Variants in POLR1G observed in about 807,000 individuals in gnomAD.
POLR1G encodes the protein DNA-directed RNA polymerase I subunit RPA34.
In POLR1G, 9 loss-of-function variants were observed where a neutral mutation model predicts 6.3. That is an observed-to-expected ratio of 1.44 (90% CI 0.87 to 2.51). The LOEUF (loss-of-function observed/expected upper bound fraction) is 2.51. Ranked by LOEUF, POLR1G falls within the 30% of genes most tolerant of loss-of-function variation. The probability of loss-of-function intolerance (pLI) is 0.00; values close to 1 mark genes in which losing one functional copy is unlikely to be tolerated. For missense variants in POLR1G, 617 were observed against 632.5 expected (o/e 0.98, Z 0.26); for synonymous variants, 248 against 256.5 (o/e 0.97, Z 0.32).
chr19:45,409,623 C>A lies in POLR1G; in HGVS notation c.*122C>A. The A allele has an allele frequency of 1.3e-6, 2 of 1,550,290 alleles. No homozygotes were observed. The highest frequency in any genetic ancestry group is 1.8e-6 in the Non-Finnish European group (2 of 1,127,956). On this transcript the variant is annotated 3_prime_UTR_variant, in exon 3 of 3. Coordinates refer to ENST00000309424, the MANE Select transcript of POLR1G (RefSeq NM_012099.3). ...CCAGCGCAGCCAGCAGGAGCCTGGCCTGGGAGGACGATTTATTATTACACT... is the reference window on the plus strand; with the variant it reads ...CCAGCGCAGCCAGCAGGAGCCTGGCATGGGAGGACGATTTATTATTACACT...
Position 45,406,896 on chromosome 19 carries a change from C to T in POLR1G, c.22+178C>T, listed in dbSNP as rs1416443758. On this transcript the variant is annotated intron_variant, in intron 1 of 2. Transcript: ENST00000309424. The surrounding 1 kb of genome is among the most constrained non-coding windows in gnomAD (Gnocchi z 4.2). The stretch of plus-strand genomic sequence containing the variant: ...GAGGGTTATCTTGTGGGGGGCTACC[C>T]GTGGAGAGCAAGGCGCCCCCAGGGG... 9.4e-6 allele frequency: 9 copies of T among 958,052 alleles called. No homozygotes were observed. The highest frequency in any genetic ancestry group is 3.2e-5 in the Admixed American group (1 of 31,312). The allele number at this position is 958,052 out of a possible 1,614,324, so 59.3% of individuals were successfully genotyped here. A position where few individuals can be genotyped will look rare whatever the true frequency, so the allele number is the denominator to read the frequency against.
rs778552962 is a variant in POLR1G at position 45,409,543 on chromosome 19, G to A, written c.*42G>A. On this transcript the variant is annotated 3_prime_UTR_variant, in exon 3 of 3. Transcript: ENST00000309424. The stretch of plus-strand genomic sequence containing the variant: ...TGAGGAACTAAAGAAAGCTGAAGGT[G>A]CCCACCTGGGCCACCAGAAGGTGAC... 1 of 1,574,336 alleles carries A rather than the reference G, an allele frequency of 6.4e-7. No individual in the cohort carries two copies. Among genetic ancestry groups the A allele is most frequent in the South Asian group, 1.2e-5 (1 of 86,904 alleles).
At position 45,407,112 on chromosome 19, in the gene POLR1G, G is replaced by GT. The variant is rs1599787797; in HGVS notation, c.42dup (p.Pro15SerfsTer105). ...GCTGCAGATGCTGCTCGGTTCTCTT[G>GT]TCCCCCCAACTTTACCGCGAAGCCC... On this transcript the variant is annotated frameshift_variant, in exon 2 of 3. Transcript: ENST00000309424. LOFTEE classifies it high-confidence loss of function. 2 of 1,599,014 alleles carry GT rather than the reference G, an allele frequency of 1.3e-6. No individual in the cohort carries two copies. Among genetic ancestry groups the GT allele is most frequent in the Non-Finnish European group, 1.7e-6 (2 of 1,176,182 alleles).
rs527715200 is a variant in POLR1G, at chr19:45,409,550, T to C, written c.*49T>C. 4 of 1,574,402 alleles carry C rather than the reference T, an allele frequency of 2.5e-6. No homozygotes were observed. In the African/African-American group the frequency reaches 5.4e-5, roughly 21 times the overall value. On this transcript the variant is annotated 3_prime_UTR_variant, in exon 3 of 3. Transcript: ENST00000309424. ...CTAAAGAAAGCTGAAGGTGCCCACCTGGGCCACCAGAAGGTGACACCCCCA... is the reference window on the plus strand; with the variant it reads ...CTAAAGAAAGCTGAAGGTGCCCACCCGGGCCACCAGAAGGTGACACCCCCA...
intron 2 of POLR1G, 72 bp from the exon 3 acceptor site, chr19:45,408,061 C>T (rs5828233): frequency 7.3e-7 from 1 of 1,369,896 alleles, no homozygotes; most frequent in Non-Finnish European, 9.7e-7. Flanking sequence ...CAAAAAAAAA[C>T]AAAAAAAAAA....
chr19:45,409,769 A>G lies in POLR1G; in HGVS notation c.*268A>G, dbSNP rs1240151492. The G allele has an allele frequency of 2.6e-6, 2 of 756,874 alleles. No homozygotes were observed. The highest frequency in any genetic ancestry group is 4.9e-6 in the Non-Finnish European group (2 of 407,554). 46.9% of individuals were successfully genotyped at this position (756,874 alleles called of 1,614,324 possible). A position where few individuals can be genotyped will look rare whatever the true frequency, so the allele number is the denominator to read the frequency against. On this transcript the variant is annotated 3_prime_UTR_variant, in exon 3 of 3. Transcript: ENST00000309424. ...AAAATGAGGAACCAGTCATTAAAGG[A>G]GCTGTTTCCTGGGTAAATCTAGAGT...
chr19:45,409,036 T>C lies in POLR1G; in HGVS notation c.1068T>C (p.Pro356=), dbSNP rs571732598. The C allele has an allele frequency of 6.2e-7, 1 of 1,613,866 alleles. No individual in the cohort carries two copies. The highest frequency in any genetic ancestry group is 8.5e-7 in the Non-Finnish European group (1 of 1,179,960). ...AGCCAGTGGAGCCGGAGATGAAGCC[T>C]CTGGAGTCCCCAGGGGGGACCATGG... ...AMEPVEPEMK[P]LESPGGTMAP... is the part of the protein sequence containing the mutation. Residue 356 remains proline, a synonymous_variant, in exon 3 of 3, where the codon CCT becomes CCC. Coordinates refer to ENST00000309424, the MANE Select transcript of POLR1G (RefSeq NM_012099.3).
rs896460788 is a variant in POLR1G, at chr19:45,410,596, T to TGTGTGTGTGTGTGTGTGTGG, written c.*1096_*1097insTGTGTGTGTGTGTGTGTGGG. The TGTGTGTGTGTGTGTGTGTGG allele has an allele frequency of 6.6e-5, 10 of 151,610 alleles. No homozygotes were observed. Among genetic ancestry groups the TGTGTGTGTGTGTGTGTGTGG allele is most frequent in the African/African-American group, 2.4e-4 (10 of 41,082 alleles). 9.4% of individuals were successfully genotyped at this position (151,610 alleles called of 1,614,324 possible). A position where few individuals can be genotyped will look rare whatever the true frequency, so the allele number is the denominator to read the frequency against. ...GTGTGTGTGTGTGTGTGTGTGTGTG[T>TGTGTGTGTGTGTGTGTGTGG]GGTACCCATTAACCTTCCCCATCTC... is the stretch of plus-strand genomic sequence containing the variant. On this transcript the variant is annotated 3_prime_UTR_variant, in exon 3 of 3. Transcript: ENST00000309424.
Position 45,409,498 on chromosome 19 carries a change from G to A in POLR1G, c.1530G>A (p.Val510=), listed in dbSNP as rs1973555108. The A allele has an allele frequency of 3.7e-6, 6 of 1,605,800 alleles. No individual in the cohort carries two copies. Among genetic ancestry groups the A allele is most frequent in the Non-Finnish European group, 5.1e-6 (6 of 1,176,880 alleles). Residue 510 remains valine (V), a synonymous_variant, in exon 3 of 3, where the codon GTG becomes GTA. Coordinates refer to ENST00000309424, the MANE Select transcript of POLR1G (RefSeq NM_012099.3). ...GGAAGCAGCAGCAGCAGCAGCCTGT[G>A]TAGTCTGCCCCCGGGAAACTGAGGA... The part of the protein sequence containing the change: ...KKRKQQQQQP[V]
chr19:45,408,665 G>A lies in POLR1G; in HGVS notation c.697G>A (p.Glu233Lys), dbSNP rs1568570068. ...EPEAAGPVGTEPTVETLEPLG... is the reference protein window; with the variant it reads ...EPEAAGPVGTKPTVETLEPLG... ...AGAGGCAGCAGGGCCTGTGGGGACA[G>A]AGCCCACAGTGGAGACACTGGAGCC... The change falls in exon 3 of 3, where the codon GAG (glutamate) becomes AAG (lysine). Residue 233 changes from glutamate (E) to lysine (K), a missense_variant. Transcript: ENST00000309424. 2.5e-6 allele frequency: 4 copies of A among 1,613,964 alleles called. No homozygotes were observed. Among genetic ancestry groups the A allele is most frequent in the East Asian group, 4.5e-5 (2 of 44,876 alleles).
Position 45,409,877 on chromosome 19 carries a change from GTTATTA to G in POLR1G, c.*391_*396del, listed in dbSNP as rs1243917856. 2,576 of 256,380 alleles carry G rather than the reference GTTATTA, an allele frequency of 0.01. 79 individuals carry two copies. The highest frequency in any genetic ancestry group is 0.056 in the African/African-American group (2,237 of 39,616). The allele number at this position is 256,380 out of a possible 1,614,324, so 15.9% of individuals were successfully genotyped here. On this transcript the variant is annotated 3_prime_UTR_variant, in exon 3 of 3. Coordinates refer to ENST00000309424, the MANE Select transcript of POLR1G (RefSeq NM_012099.3). The stretch of plus-strand genomic sequence containing the variant: ...AACAATCCAGTTACAATCTTTTTAA[GTTATTA>G]TTATTATTATTATTTTTTTTTTTTT...
In POLR1G at chr19:45,408,349, G is replaced by A. The variant is rs1301087694; in HGVS notation, c.381G>A (p.Gly127=). ...ILEGPQQSLS[G]SPLQPIPASP... is the part of the protein sequence containing the mutation. ...AGGGTCCCCAGCAATCCCTGTCAGG[G>A]AGCCCTCTGCAGCCCATCCCAGCAA... Residue 127 remains glycine, a synonymous_variant, in exon 3 of 3, where the codon GGG becomes GGA. Coordinates refer to ENST00000309424, the MANE Select transcript of POLR1G (RefSeq NM_012099.3). The A allele has an allele frequency of 6.2e-7, 1 of 1,607,924 alleles. No individual in the cohort carries two copies.
rs1973507201 is a variant in POLR1G, at chr19:45,408,837, GAA to G, written c.871_872del (p.Lys291GlufsTer17). ...ACAGTCCTGTCCCCGACCAAAAAGA[GAA>G]AGAGGCAAAAGGGGACGGAAGGGAT... On this transcript the variant is annotated frameshift_variant, in exon 3 of 3. Transcript: ENST00000309424. LOFTEE classifies it low-confidence loss of function (END_TRUNC). 6.2e-7 allele frequency: 1 copy of G among 1,614,108 alleles called. No homozygotes were observed. The highest frequency in any genetic ancestry group is 8.5e-7 in the Non-Finnish European group (1 of 1,180,004).
rs57573120 is a variant in POLR1G at position 45,409,895 on chromosome 19, ATTTT to A, written c.*405_*408del. 4.1e-5 allele frequency: 7 copies of A among 171,652 alleles called. No individual in the cohort carries two copies. Among genetic ancestry groups the A allele is most frequent in the Admixed American group, 2.9e-4 (4 of 13,930 alleles). The allele number at this position is 171,652 out of a possible 1,614,324, so 10.6% of individuals were successfully genotyped here. A position where few individuals can be genotyped will look rare whatever the true frequency, so the allele number is the denominator to read the frequency against. On this transcript the variant is annotated 3_prime_UTR_variant, in exon 3 of 3. Coordinates refer to ENST00000309424, the MANE Select transcript of POLR1G (RefSeq NM_012099.3). ...TTTTTAAGTTATTATTATTATTATT[ATTTT>A]TTTTTTTTTTGAGATGGAGTCTCGC...
Position 45,409,027 on chromosome 19 carries a change from G to A in POLR1G, c.1059G>A (p.Glu353=). 6.2e-7 allele frequency: 1 copy of A among 1,614,112 alleles called. No homozygotes were observed. Among genetic ancestry groups the A allele is most frequent in the Non-Finnish European group, 8.5e-7 (1 of 1,180,018 alleles). The change falls in exon 3 of 3, where the codon GAG becomes GAA. Residue 353 remains glutamate (E), a synonymous_variant. Transcript: ENST00000309424. ...AGGCGATGGAGCCAGTGGAGCCGGA[G>A]ATGAAGCCTCTGGAGTCCCCAGGGG... ...GTEAMEPVEP[E]MKPLESPGGT...
chr19:45,409,230 C>T lies in POLR1G; in HGVS notation c.1262C>T (p.Thr421Ile), dbSNP rs1324662945. Reference protein sequence around the residue: ...DLEPQAAPTSTKKKKKKKERG... With the variant: ...DLEPQAAPTSIKKKKKKKERG... ...GAGCCTCAGGCAGCTCCCACATCCACCAAGAAGAAGAAGAAGAAGAAAGAG... is the reference window on the plus strand; with the variant it reads ...GAGCCTCAGGCAGCTCCCACATCCATCAAGAAGAAGAAGAAGAAGAAAGAG... Residue 421 changes from threonine to isoleucine, a missense_variant, in exon 3 of 3, where the codon ACC (threonine) becomes ATC (isoleucine). Coordinates refer to ENST00000309424, the MANE Select transcript of POLR1G (RefSeq NM_012099.3). 3.7e-6 allele frequency: 6 copies of T among 1,608,068 alleles called. No individual in the cohort carries two copies. Among genetic ancestry groups the T allele is most frequent in the South Asian group, 1.1e-5 (1 of 90,668 alleles).
At position 45,406,947 on chromosome 19, in the gene POLR1G, C is replaced by T; in HGVS notation, c.23-147C>T. The T allele has an allele frequency of 8.4e-7, 1 of 1,189,694 alleles. No individual in the cohort carries two copies. Among genetic ancestry groups the T allele is most frequent in the Non-Finnish European group, 1.2e-6 (1 of 857,558 alleles). The allele number at this position is 1,189,694 out of a possible 1,614,324, so 73.7% of individuals were successfully genotyped here. A position where few individuals can be genotyped will look rare whatever the true frequency, so the allele number is the denominator to read the frequency against. The stretch of plus-strand genomic sequence containing the variant: ...TTGGATCGGTGAAATTGAGGTCGCC[C>T]CTGGGGAACAGGTGGGCAGAAAGGA... On this transcript the variant is annotated intron_variant, in intron 1 of 2. Coordinates refer to ENST00000309424, the MANE Select transcript of POLR1G (RefSeq NM_012099.3). This position sits in a 1 kb window ranked among gnomAD's most constrained non-coding sequence, Gnocchi z 4.2.
Position 45,409,233 on chromosome 19 carries a change from A to T in POLR1G, c.1265A>T (p.Lys422Met). 5.6e-6 allele frequency: 4 copies of T among 715,038 alleles called. No homozygotes were observed. The allele number at this position is 715,038 out of a possible 1,614,324, so 44.3% of individuals were successfully genotyped here. Residue 422 changes from lysine to methionine, a missense_variant, in exon 3 of 3, where the codon AAG becomes ATG. Lys to Met is a moderately conservative substitution (Grantham distance 95). Transcript: ENST00000309424. ...LEPQAAPTSTKKKKKKKERGH... is the reference protein window; with the variant it reads ...LEPQAAPTSTMKKKKKKERGH... Reference sequence around the variant, plus strand: ...CCTCAGGCAGCTCCCACATCCACCAAGAAGAAGAAGAAGAAGAAAGAGAGA... The same window carrying T: ...CCTCAGGCAGCTCCCACATCCACCATGAAGAAGAAGAAGAAGAAAGAGAGA...
rs140862830 is a variant in POLR1G, at chr19:45,408,198, G to T, written c.230G>T (p.Arg77Leu). Residue 77 changes from arginine (R) to leucine (L), a missense_variant, in exon 3 of 3, where the codon CGG becomes CTG. Physicochemically the swap from Arg to Leu is moderately radical, Grantham distance 102. Transcript: ENST00000309424. ...GTCAAGGGCAAATTGGCAGGCAAGC[G>T]GCACCGCTATCGAGTCCTCAGCAGC... ...QIVKGKLAGK[R>L]HRYRVLSSCP... 4 of 1,613,498 alleles carry T rather than the reference G, an allele frequency of 2.5e-6. No individual in the cohort carries two copies. The highest frequency in any genetic ancestry group is 2.5e-6 in the Non-Finnish European group (3 of 1,179,580).
Sources: gnomAD v4.1 joint callset for allele counts on GRCh38, gnomAD v4.1.1 for gene constraint, Gnocchi (gnomAD v3.1) non-coding constraint, MANE v1.5 for transcripts, NCBI Gene and HGNC (gene_info 2026-07-23, HGNC 2026-07-21) for gene names.